RYR2: variants seen among roughly 807,000 people sequenced by gnomAD.
RYR2 encodes the protein ryanodine receptor 2.
In RYR2, 227 loss-of-function variants were observed where a neutral mutation model predicts 601.1. The ratio of observed to expected loss-of-function variants is 0.38; its 90% CI spans 0.34 to 0.42. The LOEUF is 0.42. RYR2 is among the 10% of genes least tolerant of loss of function. The pLI is 1.00. For missense variants in RYR2, 4,646 were observed against 6,156.5 expected (o/e 0.75, Z 8.21); for synonymous variants, 2,223 against 2,175.1 (o/e 1.02, Z -0.61).
intron 1 of RYR2, among the ~76,000 whole-genome samples, chr1:237,066,795 C>A (rs375689410): frequency 3.9e-5 from 6 of 152,072 alleles, no homozygotes; most frequent in African/African-American, 7.2e-5. Flanking sequence ...GCGCCCACCA[C>A]CACACCCGGC....
At chr1:237,208,883 C>T (rs1682119344) in intron 1 of RYR2, among the ~76,000 whole-genome samples, 1 of 143,414 alleles carries the variant, frequency 7.0e-6, no homozygotes. Flanking sequence ...TCGCTATGAC[C>T]CCTGGTAACT....
rs192122747 is a variant in RYR2, at chr1:237,808,168, G to C, written c.14299-733G>C. On this transcript the variant is annotated intron_variant, in intron 99 of 104. Transcript: ENST00000366574. The stretch of plus-strand genomic sequence containing the variant: ...TGTGGTATTTTTCACTTTGGCCATT[G>C]TTTACAAAGCAAGATTTCTCAGTTT... 5.5e-3 allele frequency among the ~76,000 whole-genome samples: 832 copies of C among 152,164 alleles called. 4 individuals are homozygous for C. Among genetic ancestry groups the C allele is most frequent in the Non-Finnish European group, 6.2e-3 (419 of 67,988 alleles).
At position 237,749,353 on chromosome 1, in the gene RYR2, G is replaced by A. The variant is rs147688584; in HGVS notation, c.11146-6935G>A. ...CTAATTATAGTATCTACTTCACAGGGTTGTTATGAGGACTAAATTAGTCAA... is the reference window on the plus strand; with the variant it reads ...CTAATTATAGTATCTACTTCACAGGATTGTTATGAGGACTAAATTAGTCAA... On this transcript the variant is annotated intron_variant, in intron 80 of 104. Coordinates refer to ENST00000366574, the MANE Select transcript of RYR2 (RefSeq NM_001035.3). Among the ~76,000 whole-genome samples the A allele has an allele frequency of 4.5e-4, 68 of 152,178 alleles. 1 individual carries two copies. In the East Asian group the frequency reaches 7.9e-3, roughly 18 times the overall value.
intron 17 of RYR2, among the ~76,000 whole-genome samples, chr1:237,484,566 T>C (rs1433831251): frequency 6.6e-6 from 1 of 152,184 alleles, no homozygotes; most frequent in Admixed American, 6.5e-5. Context: ...CCAGGCTAGA[T>C]TCTTCTTGGT....
At chr1:237,224,933 C>T (rs192951436) in intron 1 of RYR2, among the ~76,000 whole-genome samples, 76 of 152,242 alleles carry the variant, frequency 5.0e-4, no homozygotes, top group Non-Finnish European at 6.3e-4. Flanking sequence ...AGGAAGGTTA[C>T]GAAATTTGCC....
At chr1:237,571,593 G>A (rs1014991409) in intron 29 of RYR2, among the ~76,000 whole-genome samples, 2 of 152,128 alleles carry the variant, frequency 1.3e-5, no homozygotes, top group Non-Finnish European at 2.9e-5. Context: ...GGGAATATAG[G>A]CGTGAGCCAC....
chr1:237,072,672 T>C (rs1327880161), intron 1 of RYR2, among the ~76,000 whole-genome samples: 1 of 152,050 alleles, frequency 6.6e-6, no homozygotes, highest in Non-Finnish European at 1.5e-5. Flanking sequence ...TCTGAAAATA[T>C]TTAAAAATAC....
chr1:237,534,315 C>T (rs1426808280), intron 25 of RYR2, among the ~76,000 whole-genome samples: 1 of 151,844 alleles, frequency 6.6e-6, no homozygotes, highest in East Asian at 1.9e-4. Flanking sequence ...CTTCAAAAAT[C>T]AATGAAGAAA....
intron 1 of RYR2, among the ~76,000 whole-genome samples, chr1:237,075,293 C>G (rs1401737454): frequency 1.3e-5 from 2 of 151,874 alleles, no homozygotes; most frequent in African/African-American, 4.8e-5. Context: ...CGAATAGGAA[C>G]AGCTCCGGTC....
chr1:237,804,062 C>G (rs1013846539), intron 98 of RYR2, among the ~76,000 whole-genome samples: 4 of 152,132 alleles, frequency 2.6e-5, no homozygotes, highest in Non-Finnish European at 5.9e-5. Flanking sequence ...ACCATGTGTG[C>G]AAATATATTG....
rs1398488595 is a variant in RYR2 at position 237,733,691 on chromosome 1, C to G, written c.11040-14C>G. On this transcript the variant is annotated splice_polypyrimidine_tract_variant and intron_variant, in intron 78 of 104. Transcript: ENST00000366574. ...TCTGCTTAAACACTGATGTTTTCTT[C>G]TTGCTTTCCCCAGCAAACTGGAGGA... 2 of 1,599,330 alleles carry G rather than the reference C, an allele frequency of 1.3e-6. No homozygotes were observed. The highest frequency in any genetic ancestry group is 2.2e-5 in the South Asian group (2 of 90,690).
rs71178397 is a variant in RYR2 at position 237,148,553 on chromosome 1, T to TATATACATAC, written c.48+105985_48+105986insTATACATACA. ...ATATATATATATATATATATATATA[T>TATATACATAC]ACACACACACATATATATATATATA... On this transcript the variant is annotated intron_variant, in intron 1 of 104. Transcript: ENST00000366574. 3.8e-4 allele frequency among the ~76,000 whole-genome samples: 40 copies of TATATACATAC among 105,694 alleles called. 1 individual carries two copies. The highest frequency in any genetic ancestry group is 1.6e-3 in the African/African-American group (39 of 25,022). 69.3% of individuals were successfully genotyped at this position (105,694 alleles called of 152,430 possible).
Position 237,627,890 on chromosome 1 carries a change from A to G in RYR2, c.6250A>G (p.Met2084Val), listed in dbSNP as rs1553531464. The G allele has an allele frequency of 6.2e-7, 1 of 1,613,846 alleles. No individual in the cohort carries two copies. The highest frequency in any genetic ancestry group is 8.5e-7 in the Non-Finnish European group (1 of 1,179,870). ...VIEDPELVRA[M>V]FVLLHRQYDG... is the part of the protein sequence containing the mutation. ...TGAAGACCCCGAGCTGGTGAGGGCCATGTTTGTGTTGCTCCATCGGCAGTA... is the reference window on the plus strand; with the variant it reads ...TGAAGACCCCGAGCTGGTGAGGGCCGTGTTTGTGTTGCTCCATCGGCAGTA... Residue 2084 changes from methionine (M) to valine (V), a missense_variant, in exon 41 of 105, where the codon ATG becomes GTG. Around this residue, in one of 17 missense-constraint regions of RYR2, gnomAD observed 170 missense variants for 184.5 expected, o/e 0.92. Transcript: ENST00000366574.
intron 1 of RYR2, among the ~76,000 whole-genome samples, chr1:237,253,237 A>ATTAC (rs58973412): frequency 0.89 from 133,858 of 150,408 alleles, 61,271 homozygotes; most frequent in Non-Finnish European, 0.99. Context: ...TTATTATTAT[A>ATTAC]TTATTATTTC....
chr1:237,572,475 T>C (rs1672804010), intron 29 of RYR2, among the ~76,000 whole-genome samples: 1 of 152,198 alleles, frequency 6.6e-6, no homozygotes, highest in Non-Finnish European at 1.5e-5. Context: ...ATTGCAATAA[T>C]GAGATAGACT....
intron 2 of RYR2, among the ~76,000 whole-genome samples, chr1:237,296,658 C>A (rs189792585): frequency 3.9e-5 from 6 of 152,174 alleles, no homozygotes; most frequent in Admixed American, 3.9e-4. Flanking sequence ...GACGTCAGGG[C>A]TGGTGACATA....
intron 1 of RYR2, among the ~76,000 whole-genome samples, chr1:237,084,266 T>G (rs779028453): frequency 7.2e-5 from 11 of 152,332 alleles, no homozygotes; most frequent in Non-Finnish European, 4.4e-5. Flanking sequence ...TGTGTCAAGC[T>G]GGCTTCTCCA....
intron 66 of RYR2, among the ~76,000 whole-genome samples, chr1:237,702,283 A>T (rs548592249): frequency 2.0e-5 from 3 of 152,204 alleles, no homozygotes; most frequent in Non-Finnish European, 4.4e-5. Flanking sequence ...AATGGTAAAG[A>T]CTACACTTAA....
chr1:237,360,286 C>T lies in RYR2; in HGVS notation c.295-4072C>T, dbSNP rs535252896. On this transcript the variant is annotated intron_variant, in intron 4 of 104. Coordinates refer to ENST00000366574, the MANE Select transcript of RYR2 (RefSeq NM_001035.3). ...TGTATGTCTTCAAGACATCAGTATC[C>T]ATTTGCCCTCTGTAGAAATCAATGT... Among the ~76,000 whole-genome samples, 5 of 152,232 alleles carry T rather than the reference C, an allele frequency of 3.3e-5. No homozygotes were observed. The South Asian group carries it at 8.3e-4, about 25-fold the overall frequency.
Sources: gnomAD v4.1 joint callset for allele counts (sites outside exome capture counted in the v4.1 genomes callset) on GRCh38, gnomAD v4.1.1 for gene constraint, gnomAD v4.1.1 regional missense constraint, MANE v1.5 for transcripts, NCBI Gene and HGNC (gene_info 2026-07-23, HGNC 2026-07-21) for gene names.